TBK1: variants seen among roughly 807,000 people sequenced by gnomAD.
TBK1 encodes the protein TANK binding kinase 1, also known as serine/threonine-protein kinase TBK1.
In TBK1, 37 loss-of-function variants were observed where a neutral mutation model predicts 99.9. The ratio of observed to expected loss-of-function variants is 0.37; its 90% CI spans 0.28 to 0.49. The LOEUF is 0.49. Ranked by LOEUF, TBK1 falls within the 20% of genes least tolerant of loss-of-function variation. TBK1 has a pLI of 0.98. For missense variants in TBK1, 644 were observed against 872.5 expected (o/e 0.74, Z 3.30); for synonymous variants, 258 against 279.8 (o/e 0.92, Z 0.78).
In TBK1 at chr12:64,501,397, T is replaced by G. The variant is rs909900216; in HGVS notation, c.*16T>G. On this transcript the variant is annotated 3_prime_UTR_variant, in exon 21 of 21. Coordinates refer to ENST00000331710, the MANE Select transcript of TBK1 (RefSeq NM_013254.4). Reference sequence around the variant, plus strand: ...CTGTCTTTAGCTTTCTAATAGAAGTTTAAGAAAAGTTTCCGTTTGCACAAG... The same window carrying G: ...CTGTCTTTAGCTTTCTAATAGAAGTGTAAGAAAAGTTTCCGTTTGCACAAG... The G allele has an allele frequency of 6.2e-7, 1 of 1,612,174 alleles. No individual in the cohort carries two copies. Among genetic ancestry groups the G allele is most frequent in the Non-Finnish European group, 8.5e-7 (1 of 1,179,606 alleles).
chr12:64,465,264 A>AAAAAAAG (rs1555202820), intron 4 of TBK1, among the ~76,000 whole-genome samples: 11 of 150,622 alleles, frequency 7.3e-5, no homozygotes, highest in African/African-American at 2.5e-4. Context: ...AAAAAAAAAA[A>AAAAAAAG]CAAGTGTTGG....
At chr12:64,495,908 GA>G in intron 15 of TBK1, 133 bp downstream of exon 15, 5 of 543,006 alleles carry the variant, frequency 9.2e-6, no homozygotes, top group East Asian at 3.8e-5. Flanking sequence ...ATTCTGTCAG[GA>G]AAAAGGTTGA....
chr12:64,480,923 A>T (rs1466654658), intron 7 of TBK1, among the ~76,000 whole-genome samples: 1 of 152,190 alleles, frequency 6.6e-6, no homozygotes, highest in Non-Finnish European at 1.5e-5. Context: ...ATATAAAACA[A>T]GCTAATAAAA....
intron 2 of TBK1, among the ~76,000 whole-genome samples, chr12:64,457,454 C>T (rs965477469): frequency 2.0e-5 from 3 of 152,298 alleles, no homozygotes; most frequent in Admixed American, 6.5e-5. Context: ...ATTGAGAACA[C>T]GTCTGATCAT....
In TBK1 at chr12:64,481,897, GAA is replaced by G. The variant is rs1457904869; in HGVS notation, c.871_872del (p.Lys291ValfsTer5). On this transcript the variant is annotated frameshift_variant, in exon 8 of 21. Transcript: ENST00000331710. LOFTEE classifies it high-confidence loss of function. ...VLANILEADQ[E>X]KCWGFDQFFA... ...TGCAAACATCCTTGAAGCAGATCAG[GAA>G]AAGTGTTGGGGTTTTGACCAGTTTT... is the stretch of plus-strand genomic sequence containing the variant. 1 of 1,610,476 alleles carries G rather than the reference GAA, an allele frequency of 6.2e-7. No homozygotes were observed. Among genetic ancestry groups the G allele is most frequent in the Admixed American group, 1.7e-5 (1 of 59,348 alleles).
intron 6 of TBK1, among the ~76,000 whole-genome samples, chr12:64,476,185 T>C (rs11175407): frequency 0.012 from 1,490 of 128,456 alleles, 29 homozygotes; most frequent in African/African-American, 0.041. Context: ...TGAGATGGAG[T>C]CTCGCTCTGT....
At chr12:64,500,303 C>G (rs1454280077) in intron 20 of TBK1, among the ~76,000 whole-genome samples, 1 of 152,072 alleles carries the variant, frequency 6.6e-6, no homozygotes, top group East Asian at 1.9e-4. Flanking sequence ...TGCTCCTTAT[C>G]CTGTTCAAAG....
intron 6 of TBK1, among the ~76,000 whole-genome samples, chr12:64,476,331 G>A (rs1249204901): frequency 1.3e-5 from 2 of 150,938 alleles, no homozygotes; most frequent in East Asian, 1.9e-4. Flanking sequence ...CTAATTTTTT[G>A]TATTTTTTAG....
At chr12:64,464,486 T>TAA in intron 4 of TBK1, 23 bp downstream of exon 4, 1 of 1,492,648 alleles carries the variant, frequency 6.7e-7, no homozygotes. Context: ...ATTTATATGA[T>TAA]ATCATTTGTA....
In TBK1 at chr12:64,495,527, C is replaced by G. The variant is rs375618295; in HGVS notation, c.1566C>G (p.Ile522Met). 24 of 1,613,864 alleles carry G rather than the reference C, an allele frequency of 1.5e-5. No individual in the cohort carries two copies. The highest frequency in any genetic ancestry group is 1.8e-5 in the Non-Finnish European group (21 of 1,179,956). Residue 522 changes from isoleucine (I) to methionine (M), a missense_variant, in exon 14 of 21, where the codon ATC (isoleucine) becomes ATG (methionine). Coordinates refer to ENST00000331710, the MANE Select transcript of TBK1 (RefSeq NM_013254.4). ...CAATAGAAACCAGTCTTCAGGATAT[C>G]GACAGCAGATTATCTCCAGGTGGAT... Reference protein sequence around the residue: ...QGTIETSLQDIDSRLSPGGSL... With the variant: ...QGTIETSLQDMDSRLSPGGSL...
At chr12:64,495,272 A>T in intron 13 of TBK1, 1 of 466,676 alleles carries the variant, frequency 2.1e-6, no homozygotes, top group Admixed American at 3.9e-5. Flanking sequence ...AAGATGTATT[A>T]CTGCTGGTCT....
intron 5 of TBK1, among the ~76,000 whole-genome samples, chr12:64,472,230 C>T (rs1380513300): frequency 6.6e-6 from 1 of 151,392 alleles, no homozygotes; most frequent in Non-Finnish European, 1.5e-5. Context: ...TCAAAAGAGT[C>T]TTTTTCCCAC....
At chr12:64,498,762 C>T (rs1273741061) in intron 20 of TBK1, among the ~76,000 whole-genome samples, 1 of 152,052 alleles carries the variant, frequency 6.6e-6, no homozygotes, top group African/African-American at 2.4e-5. Context: ...TCAAGACCAG[C>T]CTAGGCAACA....
intron 12 of TBK1, 47 bp downstream of exon 12, chr12:64,488,635 TC>T: frequency 8.0e-7 from 1 of 1,251,296 alleles, no homozygotes; most frequent in East Asian, 2.5e-5. Context: ...TATTAAATGT[TC>T]CATTTCTATT....
In TBK1 at chr12:64,474,124, A is replaced by C. The variant is rs1004522696; in HGVS notation, c.541-106A>C. Reference sequence around the variant, plus strand: ...CTTTTCAGATTGGGAAAGTGAAGTTATTAGGAAAACAAAATAGAATTTCTA... The same window carrying C: ...CTTTTCAGATTGGGAAAGTGAAGTTCTTAGGAAAACAAAATAGAATTTCTA... On this transcript the variant is annotated intron_variant, in intron 5 of 20. Coordinates refer to ENST00000331710, the MANE Select transcript of TBK1 (RefSeq NM_013254.4). 52 of 1,113,260 alleles carry C rather than the reference A, an allele frequency of 4.7e-5. No individual in the cohort carries two copies. The African/African-American group carries it at 6.9e-4, about 15-fold the overall frequency. 69.0% of individuals were successfully genotyped at this position (1,113,260 alleles called of 1,614,324 possible). A position where few individuals can be genotyped will look rare whatever the true frequency, so the allele number is the denominator to read the frequency against.
chr12:64,472,358 A>C (rs1020862005), intron 5 of TBK1, among the ~76,000 whole-genome samples: 3 of 150,980 alleles, frequency 2.0e-5, no homozygotes, highest in Non-Finnish European at 4.4e-5. Context: ...CATTTCCTAC[A>C]CTGGTTCCCA....
intron 12 of TBK1, among the ~76,000 whole-genome samples, chr12:64,489,789 G>C (rs1369137780): frequency 3.3e-5 from 5 of 150,676 alleles, no homozygotes; most frequent in Admixed American, 2.6e-4. Flanking sequence ...TGTTAGCCAG[G>C]ATGGTCTCCA....
intron 15 of TBK1, chr12:64,496,016 G>A: frequency 2.4e-6 from 1 of 408,306 alleles, no homozygotes; most frequent in Non-Finnish European, 4.3e-6. Context: ...AGGCCAGGCA[G>A]GTAACAGAAA....
At chr12:64,482,550 G>C (rs1392813031) in intron 8 of TBK1, among the ~76,000 whole-genome samples, 9 of 152,116 alleles carry the variant, frequency 5.9e-5, no homozygotes. Context: ...AACTACCCAT[G>C]TGATAAAACT....
Sources: gnomAD v4.1 joint callset for allele counts (sites outside exome capture counted in the v4.1 genomes callset) on GRCh38, gnomAD v4.1.1 for gene constraint, MANE v1.5 for transcripts, NCBI Gene and HGNC (gene_info 2026-07-23, HGNC 2026-07-21) for gene names.